The following PHLPP1 variants were observed in gnomAD, a reference collection of about 807,000 sequenced individuals.
PHLPP1 encodes PH domain leucine-rich repeat-containing protein phosphatase 1.
Under a neutral mutation model 117.2 loss-of-function variants are expected in PHLPP1, and 42 were observed. The observed-to-expected ratio is 0.36, with a 90% CI of 0.28 to 0.46. The LOEUF is 0.46. Ranked by LOEUF, PHLPP1 falls within the 20% of genes least tolerant of loss-of-function variation. The pLI, the probability that PHLPP1 is intolerant of heterozygous loss-of-function variation, is 1.00. For synonymous variants in PHLPP1, 1,042 were observed against 970.7 expected (o/e 1.07, Z -1.37); for missense variants, 2,084 against 2,241.9 (o/e 0.93, Z 1.42).
chr18:62,938,701 A>G lies in PHLPP1; in HGVS notation c.2961-3017A>G, dbSNP rs548802485. On this transcript the variant is annotated intron_variant, in intron 10 of 16. Coordinates refer to ENST00000262719, the MANE Select transcript of PHLPP1 (RefSeq NM_194449.4). ...CTGGCAGTTTCCCCCTTAATTTTGC[A>G]TAAAAGGTATATAGTTCCTTAATTA... Among the ~76,000 whole-genome samples the G allele has an allele frequency of 3.8e-4, 58 of 152,308 alleles. 1 individual carries two copies. The highest frequency in any genetic ancestry group is 2.8e-3 in the Admixed American group (43 of 15,300).
At chr18:62,922,365 G>C (rs1239859223) in intron 10 of PHLPP1, among the ~76,000 whole-genome samples, 1 of 152,152 alleles carries the variant, frequency 6.6e-6, no homozygotes, top group African/African-American at 2.4e-5. Flanking sequence ...TTAAACTTCT[G>C]ATCTCAAGTG....
chr18:62,948,240 A>C (rs1910356670), intron 12 of PHLPP1, among the ~76,000 whole-genome samples: 1 of 151,752 alleles, frequency 6.6e-6, no homozygotes, highest in African/African-American at 2.4e-5. Context: ...CAGGAGAATC[A>C]CTTGAACCCG....
intron 4 of PHLPP1, among the ~76,000 whole-genome samples, chr18:62,883,750 CA>C (rs1916220844): frequency 6.6e-6 from 1 of 152,124 alleles, no homozygotes; most frequent in Non-Finnish European, 1.5e-5. Context: ...ATGGAGATAA[CA>C]TGGTGCATAT....
chr18:62,912,570 G>A (rs575509171), intron 8 of PHLPP1, among the ~76,000 whole-genome samples: 6 of 151,642 alleles, frequency 4.0e-5, no homozygotes, highest in Non-Finnish European at 7.4e-5. Context: ...GAAGAGTATA[G>A]GAATGGGATT....
chr18:62,850,932 C>T (rs956333639), intron 3 of PHLPP1, among the ~76,000 whole-genome samples: 8 of 152,224 alleles, frequency 5.3e-5, no homozygotes, highest in South Asian at 2.1e-4. Context: ...ATGCTGTCGA[C>T]GTGGAGCTCT....
rs1032733525 is a variant in PHLPP1 at position 62,919,885 on chromosome 18, T to C, written c.2805-74T>C. The C allele has an allele frequency of 1.4e-5, 15 of 1,056,748 alleles. No homozygotes were observed. In the African/African-American group the frequency reaches 2.3e-4, roughly 16 times the overall value. The allele number at this position is 1,056,748 out of a possible 1,614,324, so 65.5% of individuals were successfully genotyped here. ...TTTGTAGTTGCTCCAAGTGAATTTG[T>C]GATTTTTGGAGAGGTAATTTTAAGT... On this transcript the variant is annotated intron_variant, in intron 9 of 16. Transcript: ENST00000262719.
chr18:62,861,734 G>A (rs1915637673), intron 4 of PHLPP1, among the ~76,000 whole-genome samples: 1 of 152,210 alleles, frequency 6.6e-6, no homozygotes. Flanking sequence ...TATAAAGTTT[G>A]TGGATGTAAT....
chr18:62,726,924 A>G (rs963328349), intron 1 of PHLPP1, among the ~76,000 whole-genome samples: 1 of 151,628 alleles, frequency 6.6e-6, no homozygotes, highest in Admixed American at 6.6e-5. Context: ...TTGATGTATC[A>G]TCATTTAAGA....
At chr18:62,973,285 G>A (rs1284563354) in intron 15 of PHLPP1, among the ~76,000 whole-genome samples, 1 of 152,234 alleles carries the variant, frequency 6.6e-6, no homozygotes, top group Non-Finnish European at 1.5e-5. Context: ...GCCACCAGCA[G>A]CAGAGCTTTA....
chr18:62,770,743 G>C (rs541170174), intron 1 of PHLPP1, among the ~76,000 whole-genome samples: 3 of 151,882 alleles, frequency 2.0e-5, no homozygotes, highest in East Asian at 1.9e-4. Context: ...ATTTTTTTGG[G>C]GGGGGTGGGG....
rs181386924 is a variant in PHLPP1, at chr18:62,956,132, G to A, written c.3325-2497G>A. On this transcript the variant is annotated intron_variant, in intron 12 of 16. Transcript: ENST00000262719. ...CTAGAATTAGTATGGGGCTATTAAA[G>A]GTGGTGGTATATTAGGGCATTCAGG... Among the ~76,000 whole-genome samples the A allele has an allele frequency of 3.3e-5, 5 of 152,320 alleles. No individual in the cohort carries two copies. In the East Asian group the frequency reaches 9.6e-4, roughly 29 times the overall value.
intron 10 of PHLPP1, among the ~76,000 whole-genome samples, chr18:62,936,795 G>A (rs1050477687): frequency 2.0e-5 from 3 of 152,218 alleles, no homozygotes; most frequent in African/African-American, 7.2e-5. Context: ...AGACTGATTG[G>A]AGAAGAAAGG....
chr18:62,716,891 C>G lies in PHLPP1; in HGVS notation c.1208C>G (p.Pro403Arg), dbSNP rs1488868554. The change falls in exon 1 of 17, where the codon CCC becomes CGC. Residue 403 changes from proline to arginine, a missense_variant. Pro to Arg is a moderately radical substitution (Grantham distance 103). Coordinates refer to ENST00000262719, the MANE Select transcript of PHLPP1 (RefSeq NM_194449.4). The surrounding 1 kb of genome is among the most constrained non-coding windows in gnomAD (Gnocchi z 5.7). ...CGCCGTCCCGGCCACCCCGCGCAGC[C>G]CCTCCCGCTTCCCCAGACGGCTTCC... is the stretch of plus-strand genomic sequence containing the variant. ...QPRRPGHPAQPLPLPQTASSP... is the reference protein window; with the variant it reads ...QPRRPGHPAQRLPLPQTASSP... The G allele has an allele frequency of 6.5e-7, 1 of 1,530,000 alleles. No individual in the cohort carries two copies. Among genetic ancestry groups the G allele is most frequent in the African/African-American group, 1.4e-5 (1 of 71,844 alleles). 94.8% of individuals were successfully genotyped at this position (1,530,000 alleles called of 1,614,324 possible).
chr18:62,776,572 G>A (rs1432385494), intron 1 of PHLPP1, among the ~76,000 whole-genome samples: 1 of 149,780 alleles, frequency 6.7e-6, no homozygotes, highest in South Asian at 2.1e-4. Flanking sequence ...ATTCACCCAT[G>A]TTGTATTCAG....
chr18:62,813,033 A>T (rs1914167545), intron 1 of PHLPP1, among the ~76,000 whole-genome samples: 1 of 152,250 alleles, frequency 6.6e-6, no homozygotes, highest in Non-Finnish European at 1.5e-5. Context: ...GTGTGAAGTT[A>T]TGCACAGGAA....
intron 1 of PHLPP1, among the ~76,000 whole-genome samples, chr18:62,742,583 C>T (rs955323710): frequency 2.6e-5 from 4 of 152,080 alleles, no homozygotes; most frequent in African/African-American, 9.7e-5. Context: ...CTGCAGGTGC[C>T]CACCGCCATG....
rs1435618144 is a variant in PHLPP1, at chr18:62,716,125, G to A, written c.442G>A (p.Ala148Thr). Reference protein sequence around the residue: ...SSSSSSSAAAASHSPGAAGLP... With the variant: ...SSSSSSSAAATSHSPGAAGLP... ...GTCGTCGTCGTCCTCGGCCGCTGCT[G>A]CCTCGCACTCCCCCGGCGCTGCCGG... Residue 148 changes from alanine (A) to threonine (T), a missense_variant, in exon 1 of 17, where the codon GCC becomes ACC. Transcript: ENST00000262719. The surrounding 1 kb of genome is among the most constrained non-coding windows in gnomAD (Gnocchi z 5.7). The A allele has an allele frequency of 1.3e-6, 2 of 1,516,246 alleles. No individual in the cohort carries two copies. The highest frequency in any genetic ancestry group is 2.8e-5 in the African/African-American group (2 of 70,202). 93.9% of individuals were successfully genotyped at this position (1,516,246 alleles called of 1,614,324 possible). A position where few individuals can be genotyped will look rare whatever the true frequency, so the allele number is the denominator to read the frequency against.
chr18:62,946,101 T>G (rs565756245), intron 12 of PHLPP1, among the ~76,000 whole-genome samples: 1 of 152,260 alleles, frequency 6.6e-6, no homozygotes. Flanking sequence ...AATAATTTGG[T>G]GGTTACAGAC....
intron 16 of PHLPP1, among the ~76,000 whole-genome samples, chr18:62,976,987 A>G (rs750002590): frequency 6.6e-6 from 1 of 152,208 alleles, no homozygotes; most frequent in Non-Finnish European, 1.5e-5. Flanking sequence ...ATGAATCACA[A>G]AACCATTGGT....
Sources: allele counts gnomAD v4.1 joint callset (sites outside exome capture counted in the v4.1 genomes callset), GRCh38; gene constraint gnomAD v4.1.1; non-coding constraint Gnocchi (gnomAD v3.1); transcripts MANE v1.5; gene names NCBI Gene and HGNC (gene_info 2026-07-23, HGNC 2026-07-21).